The following LRRC72 variants were observed in gnomAD, a reference collection of about 807,000 sequenced individuals.
LRRC72 encodes the protein leucine rich repeat containing 72, also known as leucine-rich repeat-containing protein 72.
LRRC72 carries 41 observed loss-of-function variants against 35.8 expected under a neutral mutation model. The observed-to-expected ratio is 1.15, with a 90% CI of 0.89 to 1.49. The LOEUF (loss-of-function observed/expected upper bound fraction) is 1.49. LRRC72 is among the 40% of genes most tolerant of loss of function. LRRC72 has a pLI of 0.00. For synonymous variants in LRRC72, 118 were observed against 119.2 expected (o/e 0.99, Z 0.07); for missense variants, 389 against 330.7 (o/e 1.18, Z -1.37).
At chr7:16,570,912 A>G (rs1366690732) in intron 7 of LRRC72, among the ~76,000 whole-genome samples, 1 of 152,082 alleles carries the variant, frequency 6.6e-6, no homozygotes, top group Non-Finnish European at 1.5e-5. Flanking sequence ...CAAGATTCAC[A>G]ATTAGATTTT....
At chr7:16,574,941 C>T (rs550435034) in intron 7 of LRRC72, among the ~76,000 whole-genome samples, 5 of 151,978 alleles carry the variant, frequency 3.3e-5, no homozygotes, top group Admixed American at 1.3e-4. Context: ...TATGGTTAAA[C>T]CCCGTCTCTA....
intron 3 of LRRC72, 145 bp downstream of exon 3, chr7:16,537,841 TG>T: frequency 3.7e-6 from 2 of 547,126 alleles, no homozygotes; most frequent in Non-Finnish European, 6.5e-6. Context: ...CATATATATC[TG>T]GTACATATAT....
intron 5 of LRRC72, among the ~76,000 whole-genome samples, chr7:16,566,062 T>C (rs1782832695): frequency 6.6e-6 from 1 of 152,234 alleles, no homozygotes; most frequent in South Asian, 2.1e-4. Context: ...AATGATTTGA[T>C]CATAGCCCTT....
intron 1 of LRRC72, among the ~76,000 whole-genome samples, chr7:16,529,347 T>C (rs1782124624): frequency 6.6e-6 from 1 of 152,214 alleles, no homozygotes; most frequent in Non-Finnish European, 1.5e-5. Context: ...TGACTGTCGG[T>C]TGTGCCCTGA....
At chr7:16,577,945 T>C (rs892333153) in intron 7 of LRRC72, among the ~76,000 whole-genome samples, 5 of 152,208 alleles carry the variant, frequency 3.3e-5, no homozygotes, top group Non-Finnish European at 1.5e-5. Flanking sequence ...TTCAACTCTC[T>C]TGGATGACCA....
intron 1 of LRRC72, among the ~76,000 whole-genome samples, chr7:16,528,860 C>T (rs1316740520): frequency 6.6e-6 from 1 of 152,068 alleles, no homozygotes; most frequent in East Asian, 1.9e-4. Flanking sequence ...AAAGCAAGAG[C>T]ACTAACAGAG....
intron 7 of LRRC72, among the ~76,000 whole-genome samples, chr7:16,570,317 A>G (rs1437843010): frequency 1.3e-5 from 2 of 152,224 alleles, no homozygotes; most frequent in South Asian, 2.1e-4. Context: ...CCCTTGAGAC[A>G]GGTCTTATCA....
chr7:16,528,862 C>A (rs1452974703), intron 1 of LRRC72, among the ~76,000 whole-genome samples: 1 of 152,016 alleles, frequency 6.6e-6, no homozygotes. Context: ...AGCAAGAGCA[C>A]TAACAGAGAA....
intron 5 of LRRC72, among the ~76,000 whole-genome samples, chr7:16,564,539 CT>C (rs998647316): frequency 3.3e-5 from 5 of 150,934 alleles, no homozygotes; most frequent in Non-Finnish European, 7.4e-5. Context: ...TATTTTTCTT[CT>C]CATTTTCTCC....
chr7:16,578,316 T>C (rs1300341025), intron 7 of LRRC72, among the ~76,000 whole-genome samples: 2 of 152,024 alleles, frequency 1.3e-5, no homozygotes, highest in South Asian at 2.1e-4. Flanking sequence ...CTATTAAAAA[T>C]ACAAAAATTA....
intron 7 of LRRC72, among the ~76,000 whole-genome samples, chr7:16,579,330 G>A (rs1044026155): frequency 2.6e-5 from 4 of 152,150 alleles, no homozygotes; most frequent in African/African-American, 7.2e-5. Context: ...AGAGACTTTC[G>A]TTAGCCACTT....
intron 5 of LRRC72, among the ~76,000 whole-genome samples, chr7:16,559,817 A>G (rs1782715929): frequency 6.6e-6 from 1 of 152,184 alleles, no homozygotes. Flanking sequence ...AACCACAAAC[A>G]CACAAATCAT....
At chr7:16,554,094 C>T (rs912680937) in intron 3 of LRRC72, among the ~76,000 whole-genome samples, 3 of 151,984 alleles carry the variant, frequency 2.0e-5, no homozygotes, top group South Asian at 2.1e-4. Context: ...TTCGGGAGGC[C>T]GAAGCGGGCA....
At chr7:16,527,267 C>G (rs933286713) in intron 1 of LRRC72, among the ~76,000 whole-genome samples, 1 of 152,172 alleles carries the variant, frequency 6.6e-6, no homozygotes, top group Non-Finnish European at 1.5e-5. Flanking sequence ...GGCGAACCCC[C>G]CTCAGCATCT....
intron 3 of LRRC72, among the ~76,000 whole-genome samples, chr7:16,554,964 G>A (rs1474138830): frequency 2.0e-5 from 3 of 152,192 alleles, no homozygotes; most frequent in Admixed American, 6.5e-5. Context: ...GTTTTCCTAC[G>A]CTGATGTCAA....
chr7:16,581,184 C>T (rs781560216), intron 8 of LRRC72, 140 bp from the exon 9 acceptor site: 42 of 582,674 alleles, frequency 7.2e-5, no homozygotes, highest in Middle Eastern at 5.0e-4. Context: ...CAGTGGAGCC[C>T]GCAAATTATT....
chr7:16,528,668 T>C (rs965942166), intron 1 of LRRC72, among the ~76,000 whole-genome samples: 3 of 152,272 alleles, frequency 2.0e-5, no homozygotes, highest in Middle Eastern at 3.4e-3. Flanking sequence ...TTGCTTCCTG[T>C]CTGCAGTTCT....
At chr7:16,549,095 A>G (rs1782503079) in intron 3 of LRRC72, among the ~76,000 whole-genome samples, 1 of 152,196 alleles carries the variant, frequency 6.6e-6, no homozygotes, top group South Asian at 2.1e-4. Context: ...CATAAATACA[A>G]TATTTTCATT....
At chr7:16,558,640 A>G (rs1393032005) in intron 4 of LRRC72, among the ~76,000 whole-genome samples, 2 of 152,024 alleles carry the variant, frequency 1.3e-5, no homozygotes, top group Non-Finnish European at 2.9e-5. Context: ...AAGGAAAACA[A>G]TGACAGTGGA....
Sources: allele counts gnomAD v4.1 joint callset (sites outside exome capture counted in the v4.1 genomes callset), GRCh38; gene constraint gnomAD v4.1.1; transcripts MANE v1.5; gene names NCBI Gene and HGNC (gene_info 2026-07-23, HGNC 2026-07-21).